Variants in CALN1 observed in about 807,000 individuals in gnomAD.
The protein encoded by CALN1 is calcium-binding protein 8.
Under a neutral mutation model 30.6 loss-of-function variants are expected in CALN1, and 17 were observed. That is an observed-to-expected ratio of 0.56 (90% confidence interval 0.38 to 0.83). The LOEUF (loss-of-function observed/expected upper bound fraction) is 0.83. Ranked by LOEUF, CALN1 falls within the 40% of genes least tolerant of loss-of-function variation. CALN1 has a pLI of 0.00. For missense variants in CALN1, 291 were observed against 354.9 expected (o/e 0.82, Z 1.45); for synonymous variants, 156 against 131.4 (o/e 1.19, Z -1.28).
chr7:71,900,747 A>G (rs949997286), intron 5 of CALN1, among the ~76,000 whole-genome samples: 1 of 152,224 alleles, frequency 6.6e-6, no homozygotes, highest in Non-Finnish European at 1.5e-5. Context: ...TTGGAGGGAA[A>G]GTCCCAAAGG....
chr7:72,365,915 G>A (rs916784184), intron 2 of CALN1, among the ~76,000 whole-genome samples: 1 of 152,116 alleles, frequency 6.6e-6, no homozygotes, highest in Non-Finnish European at 1.5e-5. Context: ...TTTCAAGAAG[G>A]AAATTGGACA....
intron 3 of CALN1, among the ~76,000 whole-genome samples, chr7:72,153,604 A>C (rs1787434396): frequency 6.6e-6 from 1 of 152,008 alleles, no homozygotes; most frequent in South Asian, 2.1e-4. Flanking sequence ...GGATCACTTG[A>C]GCCGGAGTTC....
At chr7:71,975,679 C>T (rs1798066789) in intron 5 of CALN1, among the ~76,000 whole-genome samples, 1 of 151,920 alleles carries the variant, frequency 6.6e-6, no homozygotes, top group Non-Finnish European at 1.5e-5. Flanking sequence ...ATCCTCTTAC[C>T]TCAGCTTCCA....
intron 2 of CALN1, among the ~76,000 whole-genome samples, chr7:72,348,606 CG>C (rs1802766570): frequency 1.3e-5 from 2 of 152,270 alleles, no homozygotes; most frequent in South Asian, 2.1e-4. Context: ...AATTTCTAGA[CG>C]TAAGAAAGAA....
chr7:72,255,082 T>TGCCC (rs1168344098), intron 3 of CALN1, among the ~76,000 whole-genome samples: 4 of 136,172 alleles, frequency 2.9e-5, no homozygotes, highest in African/African-American at 1.0e-4. Flanking sequence ...TGAGCCACCA[T>TGCCC]GCCCGGCCTT....
At chr7:72,190,994 T>C (rs1180780640) in intron 3 of CALN1, among the ~76,000 whole-genome samples, 2 of 152,222 alleles carry the variant, frequency 1.3e-5, no homozygotes, top group Admixed American at 6.5e-5. Flanking sequence ...TTGGCATTCA[T>C]TCATTGACCA....
intron 4 of CALN1, among the ~76,000 whole-genome samples, chr7:72,079,264 G>A (rs966067467): frequency 6.6e-6 from 1 of 152,078 alleles, no homozygotes; most frequent in Non-Finnish European, 1.5e-5. Flanking sequence ...GTTCTCATCT[G>A]GAAATGAGAA....
At chr7:72,238,165 T>C (rs905195934) in intron 3 of CALN1, among the ~76,000 whole-genome samples, 12 of 152,190 alleles carry the variant, frequency 7.9e-5, no homozygotes, top group African/African-American at 2.7e-4. Flanking sequence ...GGAATAATAC[T>C]CTTAAATGAA....
intron 5 of CALN1, among the ~76,000 whole-genome samples, chr7:71,890,736 T>C (rs866115389): frequency 1.9e-4 from 27 of 144,534 alleles, no homozygotes; most frequent in African/African-American, 7.0e-4. Flanking sequence ...TGTGCAATTT[T>C]GTTTTCTAGC....
At chr7:72,362,643 T>TCC (rs1017616847) in intron 2 of CALN1, among the ~76,000 whole-genome samples, 7 of 152,238 alleles carry the variant, frequency 4.6e-5, no homozygotes, top group Non-Finnish European at 1.0e-4. Flanking sequence ...TCTCTACCCC[T>TCC]CCACACAGCT....
At chr7:71,866,771 T>C (rs1047839047) in intron 5 of CALN1, among the ~76,000 whole-genome samples, 1 of 152,106 alleles carries the variant, frequency 6.6e-6, no homozygotes, top group Non-Finnish European at 1.5e-5. Flanking sequence ...CAAACCAATA[T>C]AGTAGAGTTA....
chr7:71,811,051 C>A (rs771621015), intron 5 of CALN1, among the ~76,000 whole-genome samples: 1 of 152,008 alleles, frequency 6.6e-6, no homozygotes, highest in Non-Finnish European at 1.5e-5. Flanking sequence ...CCCGCCACCA[C>A]GCCCGGCTAA....
intron 3 of CALN1, among the ~76,000 whole-genome samples, chr7:72,187,609 C>T (rs759110391): frequency 1.3e-5 from 2 of 152,150 alleles, no homozygotes; most frequent in East Asian, 1.9e-4. Context: ...AAACCATCCC[C>T]GCCTCAAGTC....
chr7:72,138,883 G>C lies in CALN1; in HGVS notation c.245-32589C>G, dbSNP rs1304883260. On this transcript the variant is annotated intron_variant, in intron 3 of 6. Coordinates refer to ENST00000395275, the MANE Select transcript of CALN1 (RefSeq NM_031468.4). The stretch of plus-strand genomic sequence containing the variant: ...TGCTGGAACACATTTTACCTCTGGA[G>C]TAATGGGCCAGGACTGCCCACACAT... 2.1e-5 allele frequency among the ~76,000 whole-genome samples: 3 copies of C among 143,262 alleles called. No homozygotes were observed. In the South Asian group the frequency reaches 7.8e-4, roughly 37 times the overall value. The allele number at this position is 143,262 out of a possible 152,430, so 94.0% of individuals were successfully genotyped here. A position where few individuals can be genotyped will look rare whatever the true frequency, so the allele number is the denominator to read the frequency against.
At chr7:72,307,066 A>T (rs1799706065) in intron 2 of CALN1, among the ~76,000 whole-genome samples, 1 of 152,232 alleles carries the variant, frequency 6.6e-6, no homozygotes, top group Non-Finnish European at 1.5e-5. Context: ...AGACAAAGTC[A>T]GGCAGGGGCC....
intron 4 of CALN1, among the ~76,000 whole-genome samples, chr7:72,096,573 G>A (rs886678042): frequency 2.6e-5 from 4 of 152,020 alleles, no homozygotes; most frequent in South Asian, 2.1e-4. Context: ...TTGGGAGACC[G>A]AGGAGGGCCC....
chr7:72,338,902 TG>T (rs947308371), intron 2 of CALN1, among the ~76,000 whole-genome samples: 5 of 150,944 alleles, frequency 3.3e-5, no homozygotes, highest in Non-Finnish European at 5.9e-5. Flanking sequence ...CATTCTAACT[TG>T]TTTTTTTTTT....
chr7:72,064,319 A>G (rs1251493150), intron 4 of CALN1, among the ~76,000 whole-genome samples: 1 of 152,142 alleles, frequency 6.6e-6, no homozygotes, highest in Admixed American at 6.5e-5. Flanking sequence ...ATAAGTAAAA[A>G]TAAAAATGAA....
chr7:72,220,151 A>C, intron 3 of CALN1, among the ~76,000 whole-genome samples: 1 of 149,146 alleles, frequency 6.7e-6, no homozygotes, highest in African/African-American at 2.5e-5. Context: ...TTAACTCGTC[A>C]TTTAGCATTA....
Sources: allele counts gnomAD v4.1 joint callset (sites outside exome capture counted in the v4.1 genomes callset), GRCh38; gene constraint gnomAD v4.1.1; transcripts MANE v1.5; gene names NCBI Gene and HGNC (gene_info 2026-07-23, HGNC 2026-07-21).